Variants in SYN3 observed in about 807,000 individuals in gnomAD.
The protein encoded by SYN3 is synapsin-3.
SYN3 carries 35 observed loss-of-function variants against 65.8 expected under a neutral mutation model. The ratio of observed to expected loss-of-function variants is 0.53; its 90% CI spans 0.41 to 0.70. The LOEUF (loss-of-function observed/expected upper bound fraction) is 0.70. Among genes scored for constraint, SYN3 ranks in the 30% least tolerant of loss-of-function variants. The pLI, the probability that SYN3 is intolerant of heterozygous loss-of-function variation, is 0.00. For missense variants in SYN3, 680 were observed against 749.0 expected (o/e 0.91, Z 1.08); for synonymous variants, 270 against 292.9 (o/e 0.92, Z 0.80).
Position 32,657,146 on chromosome 22 carries a change from C to T in SYN3, c.712-60410G>A, listed in dbSNP as rs570935432. 1.6e-4 allele frequency among the ~76,000 whole-genome samples: 24 copies of T among 148,440 alleles called. No individual in the cohort carries two copies. The South Asian group carries it at 4.7e-3, about 29-fold the overall frequency. On this transcript the variant is annotated intron_variant, in intron 6 of 13. Transcript: ENST00000358763. ...TCTTTTCTTTTTTTTCTTTTTGAGACGGAGTCTTGCTCTGTCACCCAGGCT... is the reference window on the plus strand; with the variant it reads ...TCTTTTCTTTTTTTTCTTTTTGAGATGGAGTCTTGCTCTGTCACCCAGGCT...
intron 6 of SYN3, among the ~76,000 whole-genome samples, chr22:32,625,053 C>T (rs1219164619): frequency 6.6e-6 from 1 of 152,184 alleles, no homozygotes; most frequent in African/African-American, 2.4e-5. Flanking sequence ...TTTCTATGCC[C>T]AGGGTTGGTT....
chr22:32,588,562 C>G (rs751050720), intron 7 of SYN3, among the ~76,000 whole-genome samples: 11 of 152,162 alleles, frequency 7.2e-5, no homozygotes, highest in African/African-American at 1.2e-4. Flanking sequence ...TTCACTGAAC[C>G]AACCACCTTC....
At chr22:32,695,397 G>A (rs1011003906) in intron 6 of SYN3, among the ~76,000 whole-genome samples, 2 of 151,962 alleles carry the variant, frequency 1.3e-5, no homozygotes, top group Non-Finnish European at 2.9e-5. Context: ...GTTTTACTTT[G>A]GAAACGTCTT....
chr22:32,690,533 C>T (rs1322098404), intron 6 of SYN3, among the ~76,000 whole-genome samples: 6 of 152,188 alleles, frequency 3.9e-5, no homozygotes, highest in African/African-American at 1.4e-4. Context: ...GGGTCACTCT[C>T]ATGGGAGCAG....
At chr22:32,991,505 G>A (rs2052716690) in intron 2 of SYN3, among the ~76,000 whole-genome samples, 1 of 152,144 alleles carries the variant, frequency 6.6e-6, no homozygotes, top group South Asian at 2.1e-4. Flanking sequence ...CCTCAGAGGA[G>A]GCATCGGTTC....
At chr22:33,047,557 G>A (rs975641656) in intron 1 of SYN3, among the ~76,000 whole-genome samples, 22 of 152,120 alleles carry the variant, frequency 1.4e-4, no homozygotes, top group African/African-American at 5.3e-4. Flanking sequence ...TCTGGTGCTT[G>A]ATTAGAAAAC....
rs565614531 is a variant in SYN3, at chr22:32,911,401, G to A, written c.461+19989C>T. ...CTTGGAGGACACCGTATGCCTTTGC[G>A]TGGTGCACAAGCTGTGCAACCTTAT... is the stretch of plus-strand genomic sequence containing the variant. On this transcript the variant is annotated intron_variant, in intron 4 of 13. Coordinates refer to ENST00000358763, the MANE Select transcript of SYN3 (RefSeq NM_003490.4). Among the ~76,000 whole-genome samples the A allele has an allele frequency of 1.4e-3, 207 of 152,274 alleles. 1 individual carries two copies. The highest frequency in any genetic ancestry group is 4.8e-3 in the African/African-American group (200 of 41,568).
In SYN3 at chr22:32,542,630, ATG is replaced by A. The variant is rs3838157; in HGVS notation, c.775-919_775-918del. 7.2e-3 allele frequency among the ~76,000 whole-genome samples: 972 copies of A among 135,178 alleles called. 2 individuals carry two copies. The highest frequency in any genetic ancestry group is 0.03 in the East Asian group (134 of 4,442). The allele number at this position is 135,178 out of a possible 152,430, so 88.7% of individuals were successfully genotyped here. ...GTATGCAGTGCTTCTGTTTGTGTGT[ATG>A]TGTGTGTGTGTGTGTGTGTGTGCGC... On this transcript the variant is annotated intron_variant, in intron 7 of 13. Transcript: ENST00000358763.
rs56255900 is a variant in SYN3, at chr22:32,948,526, G to C, written c.370-17045C>G. On this transcript the variant is annotated intron_variant, in intron 3 of 13. Coordinates refer to ENST00000358763, the MANE Select transcript of SYN3 (RefSeq NM_003490.4). ...CCGAGGCGGGCAGATCACAAGGTCA[G>C]GAGATCGAGACCATACTGGCTAACA... Among the ~76,000 whole-genome samples, 1,068 of 152,108 alleles carry C rather than the reference G, an allele frequency of 7.0e-3. 9 individuals are homozygous for C. Among genetic ancestry groups the C allele is most frequent in the South Asian group, 0.035 (169 of 4,814 alleles).
chr22:32,861,911 T>C (rs1278002590), intron 6 of SYN3: 1 of 152,616 alleles, frequency 6.6e-6, no homozygotes, highest in East Asian at 1.9e-4. Context: ...TATGTGTACA[T>C]TGTGTTTAAG....
chr22:32,637,853 G>A (rs2059840437), intron 6 of SYN3, among the ~76,000 whole-genome samples: 1 of 151,858 alleles, frequency 6.6e-6, no homozygotes, highest in African/African-American at 2.4e-5. Context: ...TGGCGAGGCT[G>A]GTCTCGAACT....
chr22:32,777,050 C>T (rs1295500467), intron 6 of SYN3, among the ~76,000 whole-genome samples: 1 of 152,174 alleles, frequency 6.6e-6, no homozygotes, highest in Non-Finnish European at 1.5e-5. Context: ...CTTGTACCAG[C>T]TCATCAGCAC....
chr22:32,745,468 T>C (rs2044903744), intron 6 of SYN3, among the ~76,000 whole-genome samples: 1 of 152,172 alleles, frequency 6.6e-6, no homozygotes, highest in Non-Finnish European at 1.5e-5. Flanking sequence ...GTAATCCTCT[T>C]TCCTTTCTTG....
chr22:32,798,410 AT>A (rs1391472676), intron 6 of SYN3, among the ~76,000 whole-genome samples: 2 of 151,948 alleles, frequency 1.3e-5, no homozygotes. Flanking sequence ...TCTGAACCTT[AT>A]TTTTCCCACA....
At chr22:32,548,295 T>A (rs866228731) in intron 7 of SYN3, among the ~76,000 whole-genome samples, 1 of 152,228 alleles carries the variant, frequency 6.6e-6, no homozygotes, top group Non-Finnish European at 1.5e-5. Context: ...GTTCAAGCCA[T>A]CTGCCCACCT....
chr22:32,792,505 A>G (rs1408799736), intron 6 of SYN3, among the ~76,000 whole-genome samples: 1 of 152,228 alleles, frequency 6.6e-6, no homozygotes, highest in African/African-American at 2.4e-5. Flanking sequence ...ATTAGCTGTT[A>G]AAATATACTG....
intron 3 of SYN3, among the ~76,000 whole-genome samples, chr22:32,976,658 G>C (rs1044622329): frequency 1.3e-5 from 2 of 152,144 alleles, no homozygotes; most frequent in Non-Finnish European, 2.9e-5. Context: ...TGAGGGCCCC[G>C]CAGAGCCAGT....
chr22:33,047,091 T>C (rs1226397376), intron 1 of SYN3, among the ~76,000 whole-genome samples: 1 of 152,184 alleles, frequency 6.6e-6, no homozygotes, highest in Non-Finnish European at 1.5e-5. Flanking sequence ...CTTCTTTAAC[T>C]GACTTTTCTA....
At chr22:32,644,896 T>C (rs540548176) in intron 6 of SYN3, among the ~76,000 whole-genome samples, 3 of 152,228 alleles carry the variant, frequency 2.0e-5, no homozygotes, top group African/African-American at 7.2e-5. Flanking sequence ...TTCAGACCTC[T>C]TTTTGGAATC....
Sources: gnomAD v4.1 joint callset for allele counts (sites outside exome capture counted in the v4.1 genomes callset) on GRCh38, gnomAD v4.1.1 for gene constraint, MANE v1.5 for transcripts, NCBI Gene and HGNC (gene_info 2026-07-23, HGNC 2026-07-21) for gene names.